The following SCAF8 variants were observed in gnomAD, a reference collection of about 807,000 sequenced individuals.
The protein encoded by SCAF8 is SR-related and CTD-associated factor 8.
SCAF8 carries 23 observed loss-of-function variants against 140.5 expected under a neutral mutation model. The observed-to-expected ratio is 0.16, with a 90% CI of 0.12 to 0.23. The LOEUF (loss-of-function observed/expected upper bound fraction) is 0.23, where lower values mean the gene tolerates loss of function less well. Ranked by LOEUF, SCAF8 falls within the 10% of genes least tolerant of loss-of-function variation. The pLI is 1.00. For missense variants in SCAF8, 1,397 were observed against 1,555.7 expected (o/e 0.90, Z 1.72); for synonymous variants, 575 against 528.9 (o/e 1.09, Z -1.20).
Position 154,749,539 on chromosome 6 carries a change from G to A in SCAF8, c.30+15609G>A, listed in dbSNP as rs139552133. Among the ~76,000 whole-genome samples, 406 of 152,246 alleles carry A rather than the reference G, an allele frequency of 2.7e-3. 1 individual carries two copies. Among genetic ancestry groups the A allele is most frequent in the Non-Finnish European group, 4.8e-3 (324 of 68,020 alleles). On this transcript the variant is annotated intron_variant, in intron 1 of 19. Coordinates refer to ENST00000367178, the MANE Select transcript of SCAF8 (RefSeq NM_014892.5). ...AATATGATGAAAAGTAATATGAGGA[G>A]CATTATGATATGAAGAGTAGTGATG...
rs748102677 is a variant in SCAF8, at chr6:154,808,183, C to T, written c.1095C>T (p.Ser365=). The T allele has an allele frequency of 2.2e-5, 36 of 1,613,458 alleles. No individual in the cohort carries two copies. The Admixed American group carries it at 5.5e-4, about 25-fold the overall frequency. The change falls in exon 10 of 20, where the codon TCC becomes TCT. Residue 365 remains serine (S), a synonymous_variant. Coordinates refer to ENST00000367178, the MANE Select transcript of SCAF8 (RefSeq NM_014892.5). ...AACCTGAAGTCAATTTGGATGATTC[C>T]ATAGATATTCAGCAACAGGTAAAAG... ...FLEPEVNLDD[S]IDIQQQDMDI...
At chr6:154,783,525 G>T (rs537223940) in intron 3 of SCAF8, among the ~76,000 whole-genome samples, 1 of 152,198 alleles carries the variant, frequency 6.6e-6, no homozygotes, top group Admixed American at 6.5e-5. Flanking sequence ...AGGAAATGTG[G>T]CTTATTTGTG....
intron 7 of SCAF8, among the ~76,000 whole-genome samples, chr6:154,802,752 T>C (rs914830861): frequency 6.6e-6 from 1 of 152,222 alleles, no homozygotes; most frequent in African/African-American, 2.4e-5. Flanking sequence ...CTGATTTCTT[T>C]CATGGGTGCC....
chr6:154,793,018 T>C (rs764825907), intron 5 of SCAF8, 42 bp downstream of exon 5: 1 of 1,481,834 alleles, frequency 6.7e-7, no homozygotes, highest in East Asian at 2.5e-5. Flanking sequence ...AATATTCTAC[T>C]CATACTTTTT....
intron 1 of SCAF8, among the ~76,000 whole-genome samples, chr6:154,769,702 A>T (rs1323849968): frequency 6.6e-6 from 1 of 152,236 alleles, no homozygotes; most frequent in Admixed American, 6.5e-5. Flanking sequence ...ACAACTTTTA[A>T]TAAGGGGACA....
chr6:154,813,800 G>A lies in SCAF8; in HGVS notation c.1421-1916G>A, dbSNP rs114302344. ...AGCAAGTACGTTGAAGAGAAAAGGTGATGTGATAATGAAAGGAGAGAGAAT... is the reference window on the plus strand; with the variant it reads ...AGCAAGTACGTTGAAGAGAAAAGGTAATGTGATAATGAAAGGAGAGAGAAT... On this transcript the variant is annotated intron_variant, in intron 12 of 19. Coordinates refer to ENST00000367178, the MANE Select transcript of SCAF8 (RefSeq NM_014892.5). Among the ~76,000 whole-genome samples, 791 of 152,206 alleles carry A rather than the reference G, an allele frequency of 5.2e-3. 3 individuals carry two copies. Among genetic ancestry groups the A allele is most frequent in the African/African-American group, 0.017 (694 of 41,530 alleles).
At chr6:154,766,618 C>G (rs1226801156) in intron 1 of SCAF8, among the ~76,000 whole-genome samples, 6 of 150,256 alleles carry the variant, frequency 4.0e-5, no homozygotes. Flanking sequence ...TGAATTTCTC[C>G]AAGATTCATA....
At chr6:154,821,156 T>C (rs1038781314) in intron 15 of SCAF8, among the ~76,000 whole-genome samples, 2 of 152,188 alleles carry the variant, frequency 1.3e-5, no homozygotes, top group African/African-American at 2.4e-5. Flanking sequence ...ACTGGAATTA[T>C]GGCAGTGAGA....
At chr6:154,747,642 C>T (rs1778733891) in intron 1 of SCAF8, among the ~76,000 whole-genome samples, 1 of 152,150 alleles carries the variant, frequency 6.6e-6, no homozygotes, top group Admixed American at 6.5e-5. Context: ...TGATTAATAA[C>T]TTGCTACTTG....
chr6:154,788,114 A>G, intron 4 of SCAF8, 92 bp downstream of exon 4: 5 of 1,054,832 alleles, frequency 4.7e-6, no homozygotes, highest in Non-Finnish European at 6.9e-6. Context: ...TAGTACAGTC[A>G]TGTGCCACAT....
intron 2 of SCAF8, among the ~76,000 whole-genome samples, chr6:154,777,391 G>A (rs550917970): frequency 4.3e-4 from 66 of 152,122 alleles, no homozygotes; most frequent in African/African-American, 1.3e-3. Context: ...AAAATTGATA[G>A]TGGCCAATTA....
intron 3 of SCAF8, among the ~76,000 whole-genome samples, chr6:154,781,214 C>T (rs1289868345): frequency 3.3e-5 from 5 of 151,982 alleles, no homozygotes; most frequent in African/African-American, 7.3e-5. Flanking sequence ...CAGAGAGCCA[C>T]GTTATGAATG....
At chr6:154,735,430 A>G (rs1334784154) in intron 1 of SCAF8, among the ~76,000 whole-genome samples, 3 of 152,090 alleles carry the variant, frequency 2.0e-5, no homozygotes, top group Non-Finnish European at 4.4e-5. Flanking sequence ...GCAGTGATAC[A>G]TAACTTTTTT....
intron 1 of SCAF8, among the ~76,000 whole-genome samples, chr6:154,770,927 T>G (rs888869703): frequency 2.6e-5 from 4 of 152,106 alleles, no homozygotes; most frequent in African/African-American, 9.7e-5. Flanking sequence ...GCACTTTTAG[T>G]AGAGATGGGG....
chr6:154,797,141 T>C (rs1037814578), intron 6 of SCAF8, among the ~76,000 whole-genome samples: 2 of 143,720 alleles, frequency 1.4e-5, no homozygotes, highest in African/African-American at 4.9e-5. Context: ...AAACCATCTG[T>C]TTTGTTTTTC....
chr6:154,734,631 A>G (rs575111552), intron 1 of SCAF8, among the ~76,000 whole-genome samples: 1 of 152,326 alleles, frequency 6.6e-6, no homozygotes, highest in African/African-American at 2.4e-5. Flanking sequence ...TCGCTGGTTC[A>G]TTCACGTGTC....
Position 154,827,161 on chromosome 6 carries a change from T to A in SCAF8, c.2072-11T>A. On this transcript the variant is annotated splice_polypyrimidine_tract_variant and intron_variant, in intron 17 of 19. Coordinates refer to ENST00000367178, the MANE Select transcript of SCAF8 (RefSeq NM_014892.5). ...CTTGTGCTATTTTTTGGGGTTTTTT[T>A]TTCTGTCTAGGTTTCATGCCGCCTC... 4 of 1,591,468 alleles carry A rather than the reference T, an allele frequency of 2.5e-6. No homozygotes were observed. Among genetic ancestry groups the A allele is most frequent in the Non-Finnish European group, 3.4e-6 (4 of 1,172,940 alleles).
At chr6:154,778,095 G>GT in intron 3 of SCAF8, 50 bp downstream of exon 3, 1 of 1,032,788 alleles carries the variant, frequency 9.7e-7, no homozygotes. Context: ...ATTAATGCCT[G>GT]TACTCTTCTC....
Position 154,787,251 on chromosome 6 carries a change from T to C in SCAF8, c.160-610T>C, listed in dbSNP as rs537755307. 2.6e-5 allele frequency among the ~76,000 whole-genome samples: 4 copies of C among 152,340 alleles called. No homozygotes were observed. In the East Asian group the frequency reaches 7.7e-4, roughly 29 times the overall value. On this transcript the variant is annotated intron_variant, in intron 3 of 19. Transcript: ENST00000367178. Reference sequence around the variant, plus strand: ...CTGTGCACCTGTGGTCACAGCTATTTGGAAGGCTGAGATGGAAGATCATTT... The same window carrying C: ...CTGTGCACCTGTGGTCACAGCTATTCGGAAGGCTGAGATGGAAGATCATTT...
Sources: gnomAD v4.1 joint callset for allele counts (sites outside exome capture counted in the v4.1 genomes callset) on GRCh38, gnomAD v4.1.1 for gene constraint, MANE v1.5 for transcripts, NCBI Gene and HGNC (gene_info 2026-07-23, HGNC 2026-07-21) for gene names.